MX2: variants seen among roughly 807,000 people sequenced by gnomAD.
MX2 encodes the protein interferon-induced GTP-binding protein Mx2.
In MX2, 51 loss-of-function variants were observed where a neutral mutation model predicts 74.0. That is an observed-to-expected ratio of 0.69 (90% CI 0.55 to 0.87). The LOEUF (loss-of-function observed/expected upper bound fraction) is 0.87, where lower values mean the gene tolerates loss of function less well. Among genes scored for constraint, MX2 ranks in the 40% least tolerant of loss-of-function variants. The pLI is 0.00. For missense variants in MX2, 832 were observed against 908.7 expected (o/e 0.92, Z 1.09); for synonymous variants, 369 against 339.3 (o/e 1.09, Z -0.96).
chr21:41,362,334 G>A (rs1482257444), intron 1 of MX2, among the ~76,000 whole-genome samples: 2 of 152,098 alleles, frequency 1.3e-5, no homozygotes, highest in Admixed American at 6.5e-5. Flanking sequence ...CAAAAGTCGG[G>A]TGGACGCAAA....
In MX2 at chr21:41,402,265, C is replaced by A; in HGVS notation, c.1573+137C>A. 9.9e-7 allele frequency: 1 copy of A among 1,008,446 alleles called. No homozygotes were observed. Among genetic ancestry groups the A allele is most frequent in the Non-Finnish European group, 1.4e-6 (1 of 712,330 alleles). 62.5% of individuals were successfully genotyped at this position (1,008,446 alleles called of 1,614,324 possible). On this transcript the variant is annotated intron_variant, in intron 11 of 13. Coordinates refer to ENST00000330714, the MANE Select transcript of MX2 (RefSeq NM_002463.2). This position sits in a 1 kb window ranked among gnomAD's most constrained non-coding sequence, Gnocchi z 4.5. ...CTCACTGGTGTGCTAGATTGCTACT[C>A]TGTGTGGTCTGTGAGCCAGCAGCAC...
In MX2 at chr21:41,380,784, C is replaced by T. The variant is rs1230134865; in HGVS notation, c.577+633C>T. On this transcript the variant is annotated intron_variant, in intron 4 of 13. Coordinates refer to ENST00000330714, the MANE Select transcript of MX2 (RefSeq NM_002463.2). This position sits in a 1 kb window ranked among gnomAD's most constrained non-coding sequence, Gnocchi z 4.3. The stretch of plus-strand genomic sequence containing the variant: ...CTCCTGGAGTCCACACCCTTCTCCC[C>T]CGAGGGGCCCTAGTGGTTACGTCCC... 1.3e-5 allele frequency among the ~76,000 whole-genome samples: 2 copies of T among 152,222 alleles called. No homozygotes were observed. The highest frequency in any genetic ancestry group is 2.9e-5 in the Non-Finnish European group (2 of 68,040).
At position 41,363,743 on chromosome 21, in the gene MX2, G is replaced by A. The variant is rs138891721; in HGVS notation, c.-72+1688G>A. ...CAAGCCAGCAATAGTGGCTATGCCC[G>A]TGTGGGAGACGCAGCTTGCCTTAGA... On this transcript the variant is annotated intron_variant, in intron 1 of 13. Coordinates refer to ENST00000330714, the MANE Select transcript of MX2 (RefSeq NM_002463.2). The surrounding 1 kb of genome is among the most constrained non-coding windows in gnomAD (Gnocchi z 4.2). 309 of 155,178 alleles carry A rather than the reference G, an allele frequency of 2.0e-3. 1 individual carries two copies. Among genetic ancestry groups the A allele is most frequent in the African/African-American group, 7.1e-3 (296 of 41,630 alleles). 9.6% of individuals were successfully genotyped at this position (155,178 alleles called of 1,614,324 possible). A position where few individuals can be genotyped will look rare whatever the true frequency, so the allele number is the denominator to read the frequency against.
intron 1 of MX2, among the ~76,000 whole-genome samples, chr21:41,370,848 A>T (rs2089316464): frequency 6.6e-6 from 1 of 152,102 alleles, no homozygotes; most frequent in East Asian, 1.9e-4. Context: ...TAAGGTAATT[A>T]TGTGTTGGAA....
chr21:41,404,503 C>A (rs1274576815), intron 12 of MX2: 3 of 152,212 alleles, frequency 2.0e-5, no homozygotes, highest in Non-Finnish European at 4.4e-5. Context: ...CCAGTGCTAT[C>A]TGTGACCTGT....
At position 41,382,511 on chromosome 21, in the gene MX2, C is replaced by A; in HGVS notation, c.679C>A (p.Pro227Thr). ...EVPDLTIIDL[P>T]GITRVAVDNQ... Reference sequence around the variant, plus strand: ...TCCAGACCTGACCATCATTGACCTTCCCGGCATCACCAGGGTGGCTGTGGA... The same window carrying A: ...TCCAGACCTGACCATCATTGACCTTACCGGCATCACCAGGGTGGCTGTGGA... Residue 227 changes from proline (P) to threonine (T), a missense_variant, in exon 5 of 14, where the codon CCC becomes ACC. Coordinates refer to ENST00000330714, the MANE Select transcript of MX2 (RefSeq NM_002463.2). The A allele has an allele frequency of 8.1e-6, 13 of 1,614,236 alleles. No homozygotes were observed. Among genetic ancestry groups the A allele is most frequent in the Non-Finnish European group, 1.1e-5 (13 of 1,180,056 alleles).
At chr21:41,381,908 G>A (rs2089500853) in intron 4 of MX2, among the ~76,000 whole-genome samples, 1 of 152,140 alleles carries the variant, frequency 6.6e-6, no homozygotes, top group East Asian at 1.9e-4. Context: ...TGACATGGCA[G>A]CCAGCTTCCC....
At position 41,376,913 on chromosome 21, in the gene MX2, A is replaced by G. The variant is rs747062252; in HGVS notation, c.7A>G (p.Lys3Glu). ...TCTGACAGGGAGACAGCACATGTCT[A>G]AGGCCCACAAGCCTTGGCCCTACCG... is the stretch of plus-strand genomic sequence containing the variant. MSKAHKPWPYRRR... is the reference protein window; with the variant it reads MSEAHKPWPYRRR... The change falls in exon 2 of 14, where the codon AAG becomes GAG. Residue 3 changes from lysine (K) to glutamate (E), a missense_variant. Coordinates refer to ENST00000330714, the MANE Select transcript of MX2 (RefSeq NM_002463.2). The G allele has an allele frequency of 1.9e-6, 3 of 1,613,914 alleles. No homozygotes were observed. The highest frequency in any genetic ancestry group is 1.3e-5 in the African/African-American group (1 of 75,042).
chr21:41,406,998 G>A lies in MX2; in HGVS notation c.1905G>A (p.Leu635=), dbSNP rs773319011. The stretch of plus-strand genomic sequence containing the variant: ...GCATCCACCTGAATGCCTACTTCTT[G>A]GTGAGTTCCCGGCGGGGCAGGAGCC... ...EIGIHLNAYF[L]ETSKRLANQI... The change falls in exon 13 of 14, where the codon TTG becomes TTA. Residue 635 remains leucine (L), a splice_region_variant and synonymous_variant. Coordinates refer to ENST00000330714, the MANE Select transcript of MX2 (RefSeq NM_002463.2). The A allele has an allele frequency of 6.2e-7, 1 of 1,610,352 alleles. No homozygotes were observed. Among genetic ancestry groups the A allele is most frequent in the Admixed American group, 1.7e-5 (1 of 59,920 alleles).
Position 41,377,954 on chromosome 21 carries a change from T to C in MX2, c.415T>C (p.Ser139Pro), listed in dbSNP as rs1001793009. 7.4e-6 allele frequency: 12 copies of C among 1,613,836 alleles called. No individual in the cohort carries two copies. The highest frequency in any genetic ancestry group is 6.7e-5 in the Admixed American group (4 of 60,008). The change falls in exon 3 of 14, where the codon TCA (serine) becomes CCA (proline). Residue 139 changes from serine (S) to proline (P), a missense_variant. Ser to Pro is a moderately conservative substitution (Grantham distance 74). Transcript: ENST00000330714. Reference protein sequence around the residue: ...SGKSSVLEALSGVALPRGSGI... With the variant: ...SGKSSVLEALPGVALPRGSGI... The stretch of plus-strand genomic sequence containing the variant: ...CAAGAGCTCTGTGCTGGAGGCACTG[T>C]CAGGAGTCGCGCTTCCCAGAGGCAG...
chr21:41,382,555 C>T lies in MX2; in HGVS notation c.723C>T (p.Ile241=), dbSNP rs141122811. The T allele has an allele frequency of 2.0e-4, 327 of 1,614,148 alleles. 1 individual carries two copies. The African/African-American group carries it at 3.7e-3, about 18-fold the overall frequency. Residue 241 remains isoleucine (I), a synonymous_variant, in exon 5 of 14, where the codon ATC becomes ATT. Transcript: ENST00000330714. ...CTGTGGACAACCAGCCCCGAGACAT[C>T]GGACTGCAGGTGAGCCCTTCTGGAA... ...RVAVDNQPRD[I]GLQIKALIKK... is the part of the protein sequence containing the mutation.
At chr21:41,371,526 C>T (rs1285328640) in intron 1 of MX2, among the ~76,000 whole-genome samples, 3 of 152,102 alleles carry the variant, frequency 2.0e-5, no homozygotes, top group Non-Finnish European at 4.4e-5. Flanking sequence ...CCTTTGGGCA[C>T]GAGACTTGGT....
rs1415451363 is a variant in MX2, at chr21:41,409,054, G to A, written c.*821G>A. ...AGACTGGGCAACACAGGGAGACCCTGTCTCTAAAAAAATTTGTTTGTAAGT... is the reference window on the plus strand; with the variant it reads ...AGACTGGGCAACACAGGGAGACCCTATCTCTAAAAAAATTTGTTTGTAAGT... On this transcript the variant is annotated 3_prime_UTR_variant, in exon 14 of 14. Coordinates refer to ENST00000330714, the MANE Select transcript of MX2 (RefSeq NM_002463.2). 6.6e-6 allele frequency: 1 copy of A among 152,142 alleles called. No individual in the cohort carries two copies. Among genetic ancestry groups the A allele is most frequent in the Admixed American group, 6.5e-5 (1 of 15,280 alleles). 9.4% of individuals were successfully genotyped at this position (152,142 alleles called of 1,614,324 possible). A position where few individuals can be genotyped will look rare whatever the true frequency, so the allele number is the denominator to read the frequency against.
Position 41,363,166 on chromosome 21 carries a change from C to T in MX2, c.-72+1111C>T, listed in dbSNP as rs2089231238. On this transcript the variant is annotated intron_variant, in intron 1 of 13. Transcript: ENST00000330714. The surrounding 1 kb of genome is among the most constrained non-coding windows in gnomAD (Gnocchi z 4.2). Reference sequence around the variant, plus strand: ...AAGCTATCTTTCCTCGCACCCTCTCCTCCGTTTACTCTGCTCTACTTCCCA... The same window carrying T: ...AAGCTATCTTTCCTCGCACCCTCTCTTCCGTTTACTCTGCTCTACTTCCCA... 6.6e-6 allele frequency: 1 copy of T among 152,284 alleles called. No homozygotes were observed. The highest frequency in any genetic ancestry group is 2.4e-5 in the African/African-American group (1 of 41,434). 9.4% of individuals were successfully genotyped at this position (152,284 alleles called of 1,614,324 possible).
chr21:41,362,754 T>TC (rs1555874283), intron 1 of MX2, among the ~76,000 whole-genome samples: 4 of 66,612 alleles, frequency 6.0e-5, no homozygotes, highest in African/African-American at 1.8e-4. Context: ...TTTTTTCTTT[T>TC]TTTTTTTTTT....
chr21:41,371,387 G>C (rs1052368007), intron 1 of MX2, among the ~76,000 whole-genome samples: 4 of 152,164 alleles, frequency 2.6e-5, no homozygotes, highest in Non-Finnish European at 5.9e-5. Flanking sequence ...CCTGGCATTT[G>C]CTAGGAGGAC....
chr21:41,397,253 A>C (rs1212530154), intron 7 of MX2, among the ~76,000 whole-genome samples: 1 of 152,240 alleles, frequency 6.6e-6, no homozygotes, highest in African/African-American at 2.4e-5. Context: ...ATATTTATAA[A>C]GCCCTTAGAT....
Position 41,398,926 on chromosome 21 carries a change from A to G in MX2, c.1179A>G (p.Ile393Met). The part of the protein sequence containing the change: ...QKSLPLLEGQ[I>M]RESHQKATEE... ...CGCTCCCGTTGTTAGAAGGACAAATAAGGGAGAGCCACCAGAAGGCGACCG... is the reference window on the plus strand; with the variant it reads ...CGCTCCCGTTGTTAGAAGGACAAATGAGGGAGAGCCACCAGAAGGCGACCG... Residue 393 changes from isoleucine to methionine, a missense_variant, in exon 9 of 14, where the codon ATA becomes ATG. Physicochemically the swap from Ile to Met is conservative, Grantham distance 10. Transcript: ENST00000330714. The G allele has an allele frequency of 1.2e-6, 2 of 1,613,880 alleles. No homozygotes were observed. The highest frequency in any genetic ancestry group is 1.7e-6 in the Non-Finnish European group (2 of 1,179,782).
At position 41,398,125 on chromosome 21, in the gene MX2, C is replaced by T. The variant is rs551842155; in HGVS notation, c.1149+434C>T. On this transcript the variant is annotated intron_variant, in intron 8 of 13. Coordinates refer to ENST00000330714, the MANE Select transcript of MX2 (RefSeq NM_002463.2). The stretch of plus-strand genomic sequence containing the variant: ...AAGAATTCGAGACCAGCCTGACCAA[C>T]ATGGAGAAATTCCATCTCTACTAAA... Among the ~76,000 whole-genome samples, 27 of 152,152 alleles carry T rather than the reference C, an allele frequency of 1.8e-4. 1 individual carries two copies. The highest frequency in any genetic ancestry group is 4.2e-4 in the South Asian group (2 of 4,814).
Sources: allele counts gnomAD v4.1 joint callset (sites outside exome capture counted in the v4.1 genomes callset), GRCh38; gene constraint gnomAD v4.1.1; non-coding constraint Gnocchi (gnomAD v3.1); transcripts MANE v1.5; gene names NCBI Gene and HGNC (gene_info 2026-07-23, HGNC 2026-07-21).